Variants in VWA3A observed in about 807,000 individuals in gnomAD.
The protein encoded by VWA3A is von Willebrand factor A domain containing 3A.
VWA3A carries 134 observed loss-of-function variants against 160.4 expected under a neutral mutation model. That is an observed-to-expected ratio of 0.84 (90% CI 0.73 to 0.96). The LOEUF is 0.96. Among genes scored for constraint, VWA3A ranks in the 40% least tolerant of loss-of-function variants. The pLI is 0.00. For missense variants in VWA3A, 1,310 were observed against 1,447.9 expected, an observed-to-expected ratio of 0.90 and a Z score of 1.55; for synonymous variants, 476 against 543.4, an observed-to-expected ratio of 0.88 and a Z score of 1.72.
intron 1 of VWA3A, among the ~76,000 whole-genome samples, chr16:22,092,920 G>A (rs925211210): frequency 2.0e-5 from 3 of 151,992 alleles, no homozygotes; most frequent in Admixed American, 6.6e-5. Context: ...TTTCCTCCCT[G>A]GGGACAGCAA....
chr16:22,122,420 A>G (rs999096265), intron 14 of VWA3A, among the ~76,000 whole-genome samples: 4 of 151,796 alleles, frequency 2.6e-5, no homozygotes, highest in Admixed American at 2.6e-4. Context: ...AGGACAAGTG[A>G]AAGAATGAAA....
chr16:22,127,480 A>T (rs2045871391), intron 17 of VWA3A, among the ~76,000 whole-genome samples: 1 of 152,138 alleles, frequency 6.6e-6, no homozygotes, highest in Admixed American at 6.5e-5. Context: ...CTAATAAGGG[A>T]AGACAGAGAG....
chr16:22,122,478 G>A (rs1486772088), intron 14 of VWA3A, among the ~76,000 whole-genome samples: 1 of 152,150 alleles, frequency 6.6e-6, no homozygotes, highest in Non-Finnish European at 1.5e-5. Context: ...AAAGGATGGA[G>A]AAATGGAAGG....
chr16:22,138,679 G>A lies in VWA3A; in HGVS notation c.2292+167G>A, dbSNP rs543001279. The A allele has an allele frequency of 9.8e-5, 88 of 893,706 alleles. 1 individual carries two copies. Among genetic ancestry groups the A allele is most frequent in the South Asian group, 6.6e-4 (36 of 54,888 alleles). 55.4% of individuals were successfully genotyped at this position (893,706 alleles called of 1,614,324 possible). A position where few individuals can be genotyped will look rare whatever the true frequency, so the allele number is the denominator to read the frequency against. On this transcript the variant is annotated intron_variant, in intron 22 of 33. Coordinates refer to ENST00000389398, the MANE Select transcript of VWA3A (RefSeq NM_173615.5). Reference sequence around the variant, plus strand: ...CAGGCCTCCAGGGGGAAAATCTCCCGCGGGGGGCCGGCTCCTCAGCTCTCG... The same window carrying A: ...CAGGCCTCCAGGGGGAAAATCTCCCACGGGGGGCCGGCTCCTCAGCTCTCG...
intron 12 of VWA3A, 82 bp from the exon 13 acceptor site, chr16:22,120,886 T>C (rs2045721465): frequency 7.2e-6 from 11 of 1,536,114 alleles, no homozygotes; most frequent in Non-Finnish European, 9.7e-6. Flanking sequence ...TCCACTTGCA[T>C]TGACTGGGTG....
chr16:22,133,173 G>GA (rs2045980121), intron 20 of VWA3A, 78 bp downstream of exon 20: 3 of 1,442,462 alleles, frequency 2.1e-6, no homozygotes, highest in Non-Finnish European at 1.9e-6. Context: ...TTAGACCACA[G>GA]ATGTATTCCA....
intron 31 of VWA3A, among the ~76,000 whole-genome samples, chr16:22,155,034 G>C (rs2046417263): frequency 3.5e-5 from 5 of 143,064 alleles, no homozygotes; most frequent in Admixed American, 1.5e-4. Flanking sequence ...CATGCCTGTG[G>C]TCCTAGCTAC....
intron 16 of VWA3A, 32 bp downstream of exon 16, chr16:22,123,739 A>G: frequency 6.3e-7 from 1 of 1,592,070 alleles, no homozygotes; most frequent in Non-Finnish European, 8.6e-7. Context: ...CTTATCCTTC[A>G]TGGGTCTGGT....
chr16:22,108,971 G>A (rs144855761), intron 6 of VWA3A, among the ~76,000 whole-genome samples: 33 of 152,214 alleles, frequency 2.2e-4, no homozygotes, highest in African/African-American at 7.2e-4. Flanking sequence ...CCAGGAGTTC[G>A]AGATCAACCT....
intron 31 of VWA3A, among the ~76,000 whole-genome samples, 160 bp downstream of exon 31, chr16:22,152,794 T>A (rs1163493610): frequency 1.3e-5 from 2 of 152,108 alleles, no homozygotes; most frequent in East Asian, 3.9e-4. Context: ...ACGCCCATCC[T>A]GGGTTTTCCT....
intron 8 of VWA3A, among the ~76,000 whole-genome samples, chr16:22,114,973 T>A (rs1396684344): frequency 6.6e-6 from 1 of 151,860 alleles, no homozygotes; most frequent in African/African-American, 2.4e-5. Flanking sequence ...ACCTGGCTAA[T>A]TTTTTTGTAT....
At chr16:22,105,995 T>C (rs531758627) in intron 6 of VWA3A, among the ~76,000 whole-genome samples, 2 of 152,276 alleles carry the variant, frequency 1.3e-5, no homozygotes, top group East Asian at 1.9e-4. Context: ...GGAAAAAACA[T>C]GACCAATACT....
At chr16:22,148,825 C>T (rs2046300443) in intron 28 of VWA3A, among the ~76,000 whole-genome samples, 1 of 152,090 alleles carries the variant, frequency 6.6e-6, no homozygotes, top group Non-Finnish European at 1.5e-5. Context: ...GGGACAATTG[C>T]AAGCACAGCA....
intron 15 of VWA3A, 133 bp from the exon 16 acceptor site, chr16:22,123,480 G>A (rs1397384562): frequency 6.4e-7 from 1 of 1,573,036 alleles, no homozygotes; most frequent in Non-Finnish European, 8.6e-7. Flanking sequence ...TTAGTGGAAT[G>A]ATTATACTGC....
At chr16:22,141,431 G>C (rs944422740) in intron 23 of VWA3A, 151 bp from the exon 24 acceptor site, 15 of 681,462 alleles carry the variant, frequency 2.2e-5, no homozygotes, top group Admixed American at 7.0e-5. Flanking sequence ...GAGACCTGGC[G>C]GGGGAGGACA....
In VWA3A at chr16:22,144,265, C is replaced by T. The variant is rs1835292858; in HGVS notation, c.2611C>T (p.Leu871Phe). The T allele has an allele frequency of 6.2e-7, 1 of 1,612,194 alleles. No homozygotes were observed. The highest frequency in any genetic ancestry group is 1.1e-5 in the South Asian group (1 of 90,660). ...TCTAAAGTGGGTGGCAAAATATGGGCTCAAAAAATTGAAGCTGGAGATTTC... is the reference window on the plus strand; with the variant it reads ...TCTAAAGTGGGTGGCAAAATATGGGTTCAAAAAATTGAAGCTGGAGATTTC... Reference protein sequence around the residue: ...SSQEWVAKYGLKKLKLEISRC... With the variant: ...SSQEWVAKYGFKKLKLEISRC... The change falls in exon 26 of 34, where the codon CTC (leucine) becomes TTC (phenylalanine). Residue 871 changes from leucine (L) to phenylalanine (F), a missense_variant. Leu to Phe is a conservative substitution (Grantham distance 22). Coordinates refer to ENST00000389398, the MANE Select transcript of VWA3A (RefSeq NM_173615.5).
rs563498558 is a variant in VWA3A, at chr16:22,152,473, G to C, written c.3282-38G>C. On this transcript the variant is annotated intron_variant, in intron 30 of 33. Coordinates refer to ENST00000389398, the MANE Select transcript of VWA3A (RefSeq NM_173615.5). Reference sequence around the variant, plus strand: ...GGAGTCACACGAACTTGCCTGGTCAGTCAGCCTTCCCACCAGCCCTCTGTC... The same window carrying C: ...GGAGTCACACGAACTTGCCTGGTCACTCAGCCTTCCCACCAGCCCTCTGTC... 5 of 1,608,160 alleles carry C rather than the reference G, an allele frequency of 3.1e-6. No homozygotes were observed. In the South Asian group the frequency reaches 5.5e-5, roughly 18 times the overall value.
chr16:22,123,094 A>T lies in VWA3A; in HGVS notation c.1366A>T (p.Ile456Leu). 6.2e-7 allele frequency: 1 copy of T among 1,602,750 alleles called. No individual in the cohort carries two copies. The highest frequency in any genetic ancestry group is 8.5e-7 in the Non-Finnish European group (1 of 1,174,386). Residue 456 changes from isoleucine (I) to leucine (L), a missense_variant, in exon 15 of 34, where the codon ATA becomes TTA. Physicochemically the swap from Ile to Leu is conservative, Grantham distance 5. Coordinates refer to ENST00000389398, the MANE Select transcript of VWA3A (RefSeq NM_173615.5). Reference protein sequence around the residue: ...VSSTIHEKAMIQFEWHDGTVK... With the variant: ...VSSTIHEKAMLQFEWHDGTVK... ...CCATGCCTGAGTATAGAAGGCAATG[A>T]TACAATTTGAATGGCACGACGGGAC...
Position 22,101,504 on chromosome 16 carries a change from T to C in VWA3A, c.428+1011T>C, listed in dbSNP as rs144264464. ...CAATTTACAGAAGAAAGAGGTTTAATGGACTCACAGTTCCACATGGCTGGG... is the reference window on the plus strand; with the variant it reads ...CAATTTACAGAAGAAAGAGGTTTAACGGACTCACAGTTCCACATGGCTGGG... On this transcript the variant is annotated intron_variant, in intron 5 of 33. Coordinates refer to ENST00000389398, the MANE Select transcript of VWA3A (RefSeq NM_173615.5). 9.4e-3 allele frequency among the ~76,000 whole-genome samples: 1,427 copies of C among 152,272 alleles called. 14 individuals carry two copies. Among genetic ancestry groups the C allele is most frequent in the Middle Eastern group, 0.068 (20 of 294 alleles).
Sources: allele counts gnomAD v4.1 joint callset (sites outside exome capture counted in the v4.1 genomes callset), GRCh38; gene constraint gnomAD v4.1.1; transcripts MANE v1.5; gene names NCBI Gene and HGNC (gene_info 2026-07-23, HGNC 2026-07-21).